The following ARL15 variants were observed in gnomAD, a reference collection of about 807,000 sequenced individuals.
ARL15 encodes ADP-ribosylation factor-like protein 15.
A neutral mutation model predicts 25.2 loss-of-function variants in ARL15; 19 were observed. The ratio of observed to expected loss-of-function variants is 0.75; its 90% CI spans 0.53 to 1.10. The LOEUF (loss-of-function observed/expected upper bound fraction) is 1.10. Among genes scored for constraint, ARL15 ranks in the 50% least tolerant of loss-of-function variants. The pLI is 0.00. For synonymous variants in ARL15, 94 were observed against 86.8 expected (o/e 1.08, Z -0.46); for missense variants, 220 against 246.0 (o/e 0.89, Z 0.71).
intron 2 of ARL15, among the ~76,000 whole-genome samples, chr5:54,164,069 T>C (rs1390891863): frequency 2.0e-5 from 3 of 152,080 alleles, no homozygotes; most frequent in East Asian, 1.9e-4. Context: ...CAAATTCTAA[T>C]ATGTTGCATT....
intron 4 of ARL15, among the ~76,000 whole-genome samples, chr5:53,975,115 C>A (rs1747884858): frequency 6.6e-6 from 1 of 152,054 alleles, no homozygotes; most frequent in Admixed American, 6.6e-5. Context: ...AAAATCTAAC[C>A]TTTTTTTTCC....
chr5:54,253,913 A>C (rs888060800), intron 1 of ARL15, among the ~76,000 whole-genome samples: 6 of 152,226 alleles, frequency 3.9e-5, no homozygotes, highest in Non-Finnish European at 7.3e-5. Flanking sequence ...ATAAGTACCT[A>C]CATAAGGTTA....
chr5:54,281,390 G>A (rs1019450199), intron 1 of ARL15, among the ~76,000 whole-genome samples: 2 of 152,172 alleles, frequency 1.3e-5, no homozygotes, highest in Non-Finnish European at 2.9e-5. Flanking sequence ...TCTGCCTTAA[G>A]TGCTGGGATT....
chr5:53,967,103 C>T (rs895631894), intron 4 of ARL15, among the ~76,000 whole-genome samples: 1 of 152,092 alleles, frequency 6.6e-6, no homozygotes, highest in African/African-American at 2.4e-5. Context: ...AAAAAATAGA[C>T]ATACATATTG....
chr5:54,125,565 C>T (rs78842441), intron 3 of ARL15, among the ~76,000 whole-genome samples: 93 of 152,312 alleles, frequency 6.1e-4, no homozygotes, highest in African/African-American at 2.2e-3. Flanking sequence ...TTTATCTGTT[C>T]ACCTGCTGAT....
chr5:54,044,667 G>C (rs572184000), intron 4 of ARL15, among the ~76,000 whole-genome samples: 1 of 152,272 alleles, frequency 6.6e-6, no homozygotes, highest in African/African-American at 2.4e-5. Flanking sequence ...GCCCAAGATA[G>C]GAGGTTTTAT....
At chr5:54,186,290 A>G (rs1755238054) in intron 1 of ARL15, among the ~76,000 whole-genome samples, 1 of 152,232 alleles carries the variant, frequency 6.6e-6, no homozygotes, top group Non-Finnish European at 1.5e-5. Context: ...CGCCTCACAC[A>G]TCAACACACG....
intron 4 of ARL15, among the ~76,000 whole-genome samples, chr5:53,976,783 G>A (rs1193418422): frequency 6.6e-6 from 1 of 152,194 alleles, no homozygotes; most frequent in East Asian, 1.9e-4. Flanking sequence ...AAGGGAGGCA[G>A]GTGTAGGGAG....
chr5:53,919,270 C>T (rs147895407), intron 4 of ARL15, among the ~76,000 whole-genome samples: 1 of 152,238 alleles, frequency 6.6e-6, no homozygotes, highest in East Asian at 1.9e-4. Context: ...AATAGCAAAG[C>T]CCTCCCCATC....
chr5:54,105,868 A>G (rs1430975225), intron 4 of ARL15, among the ~76,000 whole-genome samples: 4 of 152,120 alleles, frequency 2.6e-5, no homozygotes, highest in Non-Finnish European at 2.9e-5. Context: ...TGAATTCATC[A>G]CTTTAAAACC....
At chr5:54,022,230 G>GT (rs1312096572) in intron 4 of ARL15, among the ~76,000 whole-genome samples, 1 of 152,076 alleles carries the variant, frequency 6.6e-6, no homozygotes, top group African/African-American at 2.4e-5. Flanking sequence ...AAAAATACGC[G>GT]TAAGTATTAT....
intron 4 of ARL15, among the ~76,000 whole-genome samples, chr5:54,096,072 T>C (rs938319598): frequency 6.6e-6 from 1 of 152,126 alleles, no homozygotes; most frequent in African/African-American, 2.4e-5. Context: ...CTTTCATTTA[T>C]AAAATGGATA....
chr5:54,090,577 C>A (rs1417352981), intron 4 of ARL15, among the ~76,000 whole-genome samples: 1 of 151,588 alleles, frequency 6.6e-6, no homozygotes, highest in Non-Finnish European at 1.5e-5. Flanking sequence ...GGAGACATTG[C>A]CATTTGCTCT....
chr5:54,259,123 C>T (rs1260269866), intron 1 of ARL15, among the ~76,000 whole-genome samples: 2 of 152,096 alleles, frequency 1.3e-5, no homozygotes, highest in African/African-American at 2.4e-5. Context: ...TATGATCATT[C>T]ATCTTGGACC....
At chr5:54,045,512 C>T (rs1022268108) in intron 4 of ARL15, among the ~76,000 whole-genome samples, 3 of 151,622 alleles carry the variant, frequency 2.0e-5, no homozygotes, top group Non-Finnish European at 2.9e-5. Flanking sequence ...CAACATGTGA[C>T]GGCAATTCTA....
chr5:54,171,736 T>C, intron 2 of ARL15, 48 bp downstream of exon 2: 1 of 1,566,144 alleles, frequency 6.4e-7, no homozygotes, highest in South Asian at 1.2e-5. Flanking sequence ...AACTAGGACA[T>C]CTTGGGATGA....
At chr5:54,143,750 G>C (rs567831464) in intron 3 of ARL15, among the ~76,000 whole-genome samples, 1 of 151,664 alleles carries the variant, frequency 6.6e-6, no homozygotes, top group Non-Finnish European at 1.5e-5. Context: ...AAAAATTCAT[G>C]CACTACAGAT....
intron 1 of ARL15, among the ~76,000 whole-genome samples, chr5:54,192,262 A>C (rs1222500140): frequency 7.2e-6 from 1 of 138,474 alleles, no homozygotes; most frequent in Non-Finnish European, 1.6e-5. Flanking sequence ...TTAAAGTATA[A>C]GTAAAAAAAA....
chr5:54,035,837 T>A (rs1321090682), intron 4 of ARL15, among the ~76,000 whole-genome samples: 1 of 152,146 alleles, frequency 6.6e-6, no homozygotes, highest in African/African-American at 2.4e-5. Context: ...AAACAGTGAG[T>A]TAAGAAAAAT....
Sources: allele counts gnomAD v4.1 joint callset (sites outside exome capture counted in the v4.1 genomes callset), GRCh38; gene constraint gnomAD v4.1.1; transcripts MANE v1.5; gene names NCBI Gene and HGNC (gene_info 2026-07-23, HGNC 2026-07-21).